Variants in ABI3BP observed in about 807,000 individuals in gnomAD.
The protein encoded by ABI3BP is target of Nesh-SH3.
Under a neutral mutation model 268.6 loss-of-function variants are expected in ABI3BP, and 216 were observed. That is an observed-to-expected ratio of 0.80 (90% CI 0.72 to 0.90). The LOEUF is 0.90. ABI3BP is among the 40% of genes least tolerant of loss of function. The pLI is 0.00. For synonymous variants in ABI3BP, 730 were observed against 730.0 expected, an observed-to-expected ratio of 1.00 and a Z score of 0.00; for missense variants, 2,090 against 2,182.4, an observed-to-expected ratio of 0.96 and a Z score of 0.84.
intron 45 of ABI3BP, 36 bp from the exon 46 acceptor site, chr3:100,812,559 G>A: frequency 1.6e-6 from 2 of 1,270,230 alleles, no homozygotes; most frequent in Non-Finnish European, 1.0e-6. Context: ...ATTGATAAAG[G>A]ATAGGTTGTA....
intron 1 of ABI3BP, among the ~76,000 whole-genome samples, chr3:100,959,962 A>T (rs1349400046): frequency 2.0e-5 from 3 of 152,226 alleles, no homozygotes; most frequent in South Asian, 2.1e-4. Flanking sequence ...CAGTTTTTTT[A>T]AAAAAAATTT....
rs150657221 is a variant in ABI3BP at position 100,781,480 on chromosome 3, A to C, written c.4163-1271T>G. Among the ~76,000 whole-genome samples, 232 of 152,248 alleles carry C rather than the reference A, an allele frequency of 1.5e-3. 1 individual carries two copies. Among genetic ancestry groups the C allele is most frequent in the African/African-American group, 5.4e-3 (224 of 41,546 alleles). Reference sequence around the variant, plus strand: ...TCTGGGGGCAATGACTTTTGTGACTAATCTCATAGGCAGGCCACAGGCAAA... The same window carrying C: ...TCTGGGGGCAATGACTTTTGTGACTCATCTCATAGGCAGGCCACAGGCAAA... On this transcript the variant is annotated intron_variant, in intron 57 of 67. Coordinates refer to ENST00000471714, the MANE Select transcript of ABI3BP (RefSeq NM_001375547.2).
rs1237259399 is a variant in ABI3BP, at chr3:100,910,547, TA to T, written c.260-7862del. On this transcript the variant is annotated intron_variant, in intron 2 of 67. Coordinates refer to ENST00000471714, the MANE Select transcript of ABI3BP (RefSeq NM_001375547.2). ...CCTATTCTTGCTTTTCCTTTTTTTT[TA>T]AAAAAAAAATAGAGATGGGTCTCAC... 9.3e-5 allele frequency among the ~76,000 whole-genome samples: 14 copies of T among 150,164 alleles called. No homozygotes were observed. The South Asian group carries it at 1.5e-3, about 16-fold the overall frequency.
intron 1 of ABI3BP, among the ~76,000 whole-genome samples, chr3:100,959,006 A>G (rs937260637): frequency 2.6e-5 from 4 of 152,124 alleles, no homozygotes; most frequent in Non-Finnish European, 5.9e-5. Flanking sequence ...ACCTAACCCC[A>G]CGGGGGAAGA....
chr3:100,977,948 A>G (rs909020200), intron 1 of ABI3BP, among the ~76,000 whole-genome samples: 3 of 152,160 alleles, frequency 2.0e-5, no homozygotes, highest in Non-Finnish European at 4.4e-5. Flanking sequence ...TAATTCTTCC[A>G]GCCCTTCACT....
chr3:100,816,728 G>A lies in ABI3BP; in HGVS notation c.3189C>T (p.Pro1063=), dbSNP rs2098060286. The A allele has an allele frequency of 6.5e-7, 1 of 1,535,656 alleles. No individual in the cohort carries two copies. The highest frequency in any genetic ancestry group is 2.0e-5 in the Admixed American group (1 of 50,950). The part of the protein sequence containing the change: ...TQRTRRPRPR[P]KTTSSPEVPQ... The stretch of plus-strand genomic sequence containing the variant: ...GTACTTCAGGACTTGATGTAGTTTT[G>A]GGTCTGGGACGGGGACGACGTGTCC... The change falls in exon 43 of 68, where the codon CCC becomes CCT. Residue 1063 remains proline (P), a synonymous_variant. Transcript: ENST00000471714.
intron 58 of ABI3BP, among the ~76,000 whole-genome samples, chr3:100,779,920 T>C (rs1041918818): frequency 2.0e-5 from 3 of 152,238 alleles, no homozygotes; most frequent in African/African-American, 7.2e-5. Context: ...CAGAAGTTCC[T>C]ATTAATACTT....
intron 2 of ABI3BP, chr3:100,911,676 A>T (rs1020680552): frequency 2.7e-6 from 2 of 748,088 alleles, no homozygotes; most frequent in African/African-American, 3.5e-5. Flanking sequence ...TTGTTCAGAA[A>T]TATCCAGATT....
chr3:100,910,910 G>A (rs946075081), intron 2 of ABI3BP: 1 of 155,362 alleles, frequency 6.4e-6, no homozygotes, highest in Non-Finnish European at 1.4e-5. Context: ...GAATAGAAAT[G>A]TTTGGGCTTT....
intron 14 of ABI3BP, among the ~76,000 whole-genome samples, chr3:100,853,812 T>C (rs2098899332): frequency 6.6e-6 from 1 of 152,186 alleles, no homozygotes; most frequent in Non-Finnish European, 1.5e-5. Context: ...AATCTGGAAG[T>C]TCCCAATTTT....
chr3:100,875,675 C>T, intron 7 of ABI3BP, 96 bp from the exon 8 acceptor site: 1 of 860,338 alleles, frequency 1.2e-6, no homozygotes, highest in Non-Finnish European at 1.9e-6. Flanking sequence ...AAGCCTTGAT[C>T]TAACTTTATT....
intron 55 of ABI3BP, among the ~76,000 whole-genome samples, chr3:100,790,390 AT>A (rs766651735): frequency 6.3e-4 from 95 of 151,606 alleles, no homozygotes; most frequent in Middle Eastern, 3.4e-3. Flanking sequence ...TTTTGGAAAA[AT>A]TTTTTCTTGC....
intron 14 of ABI3BP, among the ~76,000 whole-genome samples, chr3:100,859,378 A>C (rs1382693075): frequency 6.6e-6 from 1 of 151,922 alleles, no homozygotes; most frequent in Non-Finnish European, 1.5e-5. Flanking sequence ...CGTTTGCACC[A>C]ACCTATATTA....
intron 52 of ABI3BP, 105 bp from the exon 53 acceptor site, chr3:100,795,956 G>A (rs1024666746): frequency 9.1e-6 from 7 of 769,924 alleles, no homozygotes; most frequent in Admixed American, 9.0e-5. Flanking sequence ...TAATTTAAAT[G>A]TTCTCTAAGA....
chr3:100,816,798 T>TGCA (rs1363227317), intron 42 of ABI3BP, 30 bp from the exon 43 acceptor site: 4 of 1,520,756 alleles, frequency 2.6e-6, no homozygotes, highest in Non-Finnish European at 2.6e-6. Context: ...ATTACTCTAG[T>TGCA]GCAGGTGGCT....
At chr3:100,864,597 G>A in intron 11 of ABI3BP, 1 of 493,666 alleles carries the variant, frequency 2.0e-6, no homozygotes, top group Non-Finnish European at 3.6e-6. Flanking sequence ...CATTTAGTTA[G>A]CAATTAGCAT....
intron 1 of ABI3BP, among the ~76,000 whole-genome samples, chr3:100,992,341 A>T (rs753644308): frequency 6.6e-6 from 1 of 152,158 alleles, no homozygotes; most frequent in Non-Finnish European, 1.5e-5. Context: ...CCTAGGGATG[A>T]TCTTTTGGAT....
chr3:100,855,125 A>G (rs1480161064), intron 14 of ABI3BP, among the ~76,000 whole-genome samples: 1 of 152,122 alleles, frequency 6.6e-6, no homozygotes, highest in Non-Finnish European at 1.5e-5. Context: ...ACAGGGTTTC[A>G]TCATGTTGGC....
chr3:100,850,676 C>A lies in ABI3BP; in HGVS notation c.1410G>T (p.Gln470His), dbSNP rs372017207. The A allele has an allele frequency of 6.0e-5, 97 of 1,611,980 alleles. No individual in the cohort carries two copies. Among genetic ancestry groups the A allele is most frequent in the Non-Finnish European group, 7.9e-5 (93 of 1,178,540 alleles). ...IPPKTSRTLE[Q>H]PRATLAPSET... is the part of the protein sequence containing the mutation. ...AAACATTACCCAGTGTTGCCCTTGG[C>A]TGTTCAAGAGTTCTAGAAGTTTTAG... Residue 470 changes from glutamine (Q) to histidine (H), a missense_variant, in exon 16 of 68, where the codon CAG (glutamine) becomes CAT (histidine). By Grantham distance (24) the Gln-to-His change is conservative. Coordinates refer to ENST00000471714, the MANE Select transcript of ABI3BP (RefSeq NM_001375547.2).
Sources: allele counts gnomAD v4.1 joint callset (sites outside exome capture counted in the v4.1 genomes callset), GRCh38; gene constraint gnomAD v4.1.1; transcripts MANE v1.5; gene names NCBI Gene and HGNC (gene_info 2026-07-23, HGNC 2026-07-21).